CAMK2G: variants seen among roughly 807,000 people sequenced by gnomAD.
The protein encoded by CAMK2G is calcium/calmodulin dependent protein kinase II gamma.
A neutral mutation model predicts 88.7 loss-of-function variants in CAMK2G; 23 were observed. The ratio of observed to expected loss-of-function variants is 0.26; its 90% confidence interval spans 0.19 to 0.37. The LOEUF is 0.37. Ranked by LOEUF, CAMK2G falls within the 10% of genes least tolerant of loss-of-function variation. The probability of loss-of-function intolerance (pLI) is 1.00; values close to 1 mark genes in which losing one functional copy is unlikely to be tolerated. For missense variants in CAMK2G, 476 were observed against 780.8 expected (o/e 0.61, Z 4.65); for synonymous variants, 263 against 294.8 (o/e 0.89, Z 1.11).
intron 5 of CAMK2G, among the ~76,000 whole-genome samples, chr10:73,851,752 G>T (rs1467079808): frequency 5.8e-5 from 8 of 138,204 alleles, no homozygotes; most frequent in South Asian, 2.2e-4. Flanking sequence ...TTTTTTTGTG[G>T]GGGGGGGGAG....
chr10:73,826,558 T>C (rs964984973), intron 15 of CAMK2G, among the ~76,000 whole-genome samples: 9 of 152,226 alleles, frequency 5.9e-5, no homozygotes, highest in Admixed American at 5.9e-4. Flanking sequence ...ATCCATGTGA[T>C]GTTCTTTGCC....
At chr10:73,833,420 G>A (rs900364806) in intron 14 of CAMK2G, among the ~76,000 whole-genome samples, 5 of 152,136 alleles carry the variant, frequency 3.3e-5, no homozygotes, top group Non-Finnish European at 5.9e-5. Flanking sequence ...CACACAGGCT[G>A]TTTTAGAAAG....
chr10:73,870,357 C>A (rs1005212892), intron 2 of CAMK2G, among the ~76,000 whole-genome samples: 3 of 152,164 alleles, frequency 2.0e-5, no homozygotes, highest in African/African-American at 7.2e-5. Context: ...TAGACAGGCC[C>A]GCAGACAAAG....
rs755021376 is a variant in CAMK2G at position 73,842,451 on chromosome 10, C to A, written c.903+7G>T. 3.7e-6 allele frequency: 6 copies of A among 1,605,020 alleles called. 2 individuals carry two copies. In the South Asian group the frequency reaches 6.6e-5, roughly 18 times the overall value. ...AAGGAGGCTGGCAGCCTAGAAACGA[C>A]ACTCACCTTCAGTTTTCTCCGGGCA... is the stretch of plus-strand genomic sequence containing the variant. On this transcript the variant is annotated splice_region_variant and intron_variant, in intron 11 of 22. Coordinates refer to ENST00000423381, the MANE Select transcript of CAMK2G (RefSeq NM_001367534.1). The surrounding 1 kb of genome is among the most constrained non-coding windows in gnomAD (Gnocchi z 4.6).
Position 73,860,705 on chromosome 10 carries a change from C to A in CAMK2G, c.220+125G>T, listed in dbSNP as rs191446088. ...TCTGAGACACAGTTGCTATCCTGCT[C>A]ATGTAAAAACAGACACCAGGTGAAG... is the stretch of plus-strand genomic sequence containing the variant. On this transcript the variant is annotated intron_variant, in intron 3 of 22. Transcript: ENST00000423381. 246 of 743,218 alleles carry A rather than the reference C, an allele frequency of 3.3e-4. 1 individual carries two copies. The African/African-American group carries it at 3.9e-3, about 12-fold the overall frequency. 46.0% of individuals were successfully genotyped at this position (743,218 alleles called of 1,614,324 possible).
At chr10:73,821,608 G>T in intron 18 of CAMK2G, 74 bp downstream of exon 18, 1 of 1,116,480 alleles carries the variant, frequency 9.0e-7, no homozygotes, top group South Asian at 1.3e-5. Context: ...GGACAGAAAA[G>T]GCAGGTGCCC....
At chr10:73,835,144 T>C (rs2093039561) in intron 14 of CAMK2G, among the ~76,000 whole-genome samples, 1 of 152,192 alleles carries the variant, frequency 6.6e-6, no homozygotes, top group Non-Finnish European at 1.5e-5. Flanking sequence ...TGGATGTTTA[T>C]CTGTCTGCTC....
chr10:73,832,037 T>C (rs1183142012), intron 14 of CAMK2G, among the ~76,000 whole-genome samples: 1 of 151,216 alleles, frequency 6.6e-6, no homozygotes, highest in Non-Finnish European at 1.5e-5. Flanking sequence ...CAGGCATGAG[T>C]TGCCACACCT....
Position 73,847,657 on chromosome 10 carries a change from G to C in CAMK2G, c.697-310C>G, listed in dbSNP as rs186587032. Reference sequence around the variant, plus strand: ...AACAGAGGCTCAGCAATGTGTCCAAGGTGCCACTGCAGTGGAGGGAGTCTC... The same window carrying C: ...AACAGAGGCTCAGCAATGTGTCCAACGTGCCACTGCAGTGGAGGGAGTCTC... On this transcript the variant is annotated intron_variant, in intron 9 of 22. Coordinates refer to ENST00000423381, the MANE Select transcript of CAMK2G (RefSeq NM_001367534.1). Among the ~76,000 whole-genome samples, 3 of 152,296 alleles carry C rather than the reference G, an allele frequency of 2.0e-5. No individual in the cohort carries two copies. In the East Asian group the frequency reaches 5.8e-4, roughly 29 times the overall value.
chr10:73,817,620 C>A, intron 19 of CAMK2G, 66 bp from the exon 20 acceptor site: 1 of 1,069,720 alleles, frequency 9.3e-7, no homozygotes, highest in Non-Finnish European at 1.5e-6. Context: ...AGAGCCCTCC[C>A]CAGTCCTCAG....
In CAMK2G at chr10:73,817,004, G is replaced by T. The variant is rs1461622280; in HGVS notation, c.1534+19C>A. 6.2e-7 allele frequency: 1 copy of T among 1,614,044 alleles called. No homozygotes were observed. On this transcript the variant is annotated intron_variant, in intron 21 of 22. Coordinates refer to ENST00000423381, the MANE Select transcript of CAMK2G (RefSeq NM_001367534.1). ...TAAAGGGGCAGGCAGGAGTATATCA[G>T]CAGCACGAACCCACTCACGATTCTC...
chr10:73,862,585 T>A (rs1489254333), intron 2 of CAMK2G, among the ~76,000 whole-genome samples: 1 of 152,214 alleles, frequency 6.6e-6, no homozygotes, highest in Non-Finnish European at 1.5e-5. Flanking sequence ...TCTATTATAT[T>A]ACCGAGGAAA....
At chr10:73,844,840 C>T (rs1278282312) in intron 10 of CAMK2G, among the ~76,000 whole-genome samples, 4 of 152,208 alleles carry the variant, frequency 2.6e-5, no homozygotes, top group Admixed American at 6.5e-5. Context: ...TCCACTGTCT[C>T]AGTGAAATGA....
At chr10:73,864,365 T>C (rs2095504063) in intron 2 of CAMK2G, among the ~76,000 whole-genome samples, 1 of 151,940 alleles carries the variant, frequency 6.6e-6, no homozygotes. Context: ...AGGAAGACAG[T>C]GGCGAACAAA....
intron 3 of CAMK2G, among the ~76,000 whole-genome samples, chr10:73,855,878 GAAGAC>G (rs1227309180): frequency 2.0e-5 from 3 of 152,206 alleles, no homozygotes; most frequent in Non-Finnish European, 4.4e-5. Context: ...ACAGGACACT[GAAGAC>G]AAGAGGAGAA....
intron 3 of CAMK2G, among the ~76,000 whole-genome samples, chr10:73,854,792 C>A (rs1282910911): frequency 6.6e-6 from 1 of 152,144 alleles, no homozygotes; most frequent in Non-Finnish European, 1.5e-5. Context: ...CACTATAGCC[C>A]CCTTGTTCTC....
At chr10:73,819,382 A>C in intron 19 of CAMK2G, 150 bp downstream of exon 19, 2 of 651,362 alleles carry the variant, frequency 3.1e-6, no homozygotes, top group East Asian at 2.7e-5. Context: ...CAGCACCTCC[A>C]GTCTACCCCC....
chr10:73,850,891 G>C (rs1355446880), intron 5 of CAMK2G, among the ~76,000 whole-genome samples: 1 of 152,206 alleles, frequency 6.6e-6, no homozygotes, highest in Non-Finnish European at 1.5e-5. Flanking sequence ...ACAGAGCCGG[G>C]CTAGCAGGGA....
At chr10:73,855,263 C>T (rs554207068) in intron 3 of CAMK2G, among the ~76,000 whole-genome samples, 3 of 152,298 alleles carry the variant, frequency 2.0e-5, no homozygotes, top group Non-Finnish European at 4.4e-5. Context: ...GCTGCTCCCT[C>T]GCTTCCAAAA....
Sources: gnomAD v4.1 joint callset for allele counts (sites outside exome capture counted in the v4.1 genomes callset) on GRCh38, gnomAD v4.1.1 for gene constraint, Gnocchi (gnomAD v3.1) non-coding constraint, MANE v1.5 for transcripts, NCBI Gene and HGNC (gene_info 2026-07-23, HGNC 2026-07-21) for gene names.